MTA3: variants seen among roughly 807,000 people sequenced by gnomAD.
MTA3 encodes metastasis associated 1 family member 3.
MTA3 carries 34 observed loss-of-function variants against 83.5 expected under a neutral mutation model. That is an observed-to-expected ratio of 0.41 (90% confidence interval 0.31 to 0.54). The LOEUF (loss-of-function observed/expected upper bound fraction) is 0.54. MTA3 is among the 20% of genes least tolerant of loss of function. The probability of loss-of-function intolerance (pLI) is 0.33; values close to 1 mark genes in which losing one functional copy is unlikely to be tolerated. For missense variants in MTA3, 761 were observed against 726.4 expected (o/e 1.05, Z -0.55); for synonymous variants, 303 against 252.7 (o/e 1.20, Z -1.89).
At chr2:42,533,780 T>A (rs550896948) in intron 2 of MTA3, among the ~76,000 whole-genome samples, 175 of 142,962 alleles carry the variant, frequency 1.2e-3, no homozygotes, top group Admixed American at 3.9e-3. Context: ...TGCAGTGAGC[T>A]GAGATCGTGC....
chr2:42,713,080 CAACA>C lies in MTA3; in HGVS notation c.1525+3985_1525+3988del, dbSNP rs1666756555. ...GGTTAAATAGAAGTAGGTTTACTAGCAACATTCCAAAGATGAAGCTAAAGTGCCT... is the reference window on the plus strand; with the variant it reads ...GGTTAAATAGAAGTAGGTTTACTAGCTTCCAAAGATGAAGCTAAAGTGCCT... On this transcript the variant is annotated intron_variant, in intron 14 of 16. Coordinates refer to ENST00000405094, the MANE Select transcript of MTA3 (RefSeq NM_001330442.2). 2.0e-5 allele frequency among the ~76,000 whole-genome samples: 3 copies of C among 152,304 alleles called. No individual in the cohort carries two copies. The South Asian group carries it at 6.2e-4, about 32-fold the overall frequency.
chr2:42,504,861 C>G (rs890116504), intron 2 of MTA3, among the ~76,000 whole-genome samples: 2 of 152,068 alleles, frequency 1.3e-5, no homozygotes, highest in African/African-American at 4.8e-5. Context: ...TTGCAAAGCT[C>G]ACTGTATAAT....
At chr2:42,663,203 A>G (rs1689895207) in intron 8 of MTA3, among the ~76,000 whole-genome samples, 1 of 152,084 alleles carries the variant, frequency 6.6e-6, no homozygotes, top group African/African-American at 2.4e-5. Context: ...GCTTGAGTGC[A>G]AGTGGAAAAG....
At chr2:42,675,338 G>C (rs1011505485) in intron 8 of MTA3, among the ~76,000 whole-genome samples, 1 of 152,054 alleles carries the variant, frequency 6.6e-6, no homozygotes, top group South Asian at 2.1e-4. Context: ...CTTTCACTCT[G>C]TTGGCCAGGC....
rs1665867195 is a variant in MTA3 at position 42,704,226 on chromosome 2, G to C, written c.1058G>C (p.Ser353Thr). 1 of 1,613,952 alleles carries C rather than the reference G, an allele frequency of 6.2e-7. No individual in the cohort carries two copies. The highest frequency in any genetic ancestry group is 8.5e-7 in the Non-Finnish European group (1 of 1,179,858). The change falls in exon 12 of 17, where the codon AGT (serine) becomes ACT (threonine). Residue 353 changes from serine to threonine, a missense_variant. By Grantham distance (58) the Ser-to-Thr change is moderately conservative. Coordinates refer to ENST00000405094, the MANE Select transcript of MTA3 (RefSeq NM_001330442.2). ...CCAAATCCCAACCAAATATCCACTA[G>C]TAATGGGAAGCCTGGTGCTGTGAAT... ...SKPNPNQISTSNGKPGAVNGA... is the reference protein window; with the variant it reads ...SKPNPNQISTTNGKPGAVNGA...
At chr2:42,626,341 A>G (rs1390482965) in intron 4 of MTA3, among the ~76,000 whole-genome samples, 2 of 151,550 alleles carry the variant, frequency 1.3e-5, no homozygotes, top group Non-Finnish European at 2.9e-5. Context: ...TCTGTCACCC[A>G]GGCTGGAGTG....
intron 2 of MTA3, among the ~76,000 whole-genome samples, chr2:42,521,521 C>T (rs1284739186): frequency 6.6e-6 from 1 of 152,134 alleles, no homozygotes; most frequent in Non-Finnish European, 1.5e-5. Context: ...CTCCTAAACC[C>T]TTGTACCACC....
At chr2:42,706,253 T>C (rs1352705477) in intron 12 of MTA3, among the ~76,000 whole-genome samples, 3 of 152,092 alleles carry the variant, frequency 2.0e-5, no homozygotes, top group Non-Finnish European at 4.4e-5. Flanking sequence ...TGTGCACATG[T>C]ACCCTAAAAC....
intron 6 of MTA3, among the ~76,000 whole-genome samples, chr2:42,654,300 C>T (rs964880830): frequency 3.9e-5 from 6 of 152,174 alleles, no homozygotes. Flanking sequence ...TACCTGCTTG[C>T]TCCTATACTA....
rs564918105 is a variant in MTA3, at chr2:42,542,743, G to A, written c.-140-27694G>A. Among the ~76,000 whole-genome samples the A allele has an allele frequency of 4.0e-5, 6 of 151,798 alleles. No homozygotes were observed. In the South Asian group the frequency reaches 1.0e-3, roughly 26 times the overall value. ...ATTTTTTTTTTGTATTTTTAGTAGAGACAGGGCTTCACCATGTTGGCCAGG... is the reference window on the plus strand; with the variant it reads ...ATTTTTTTTTTGTATTTTTAGTAGAAACAGGGCTTCACCATGTTGGCCAGG... On this transcript the variant is annotated intron_variant, in intron 2 of 17. Coordinates refer to the MTA3 transcript ENST00000405592.
At chr2:42,690,641 G>T (rs1573633337) in intron 9 of MTA3, among the ~76,000 whole-genome samples, 1 of 147,478 alleles carries the variant, frequency 6.8e-6, no homozygotes, top group East Asian at 2.0e-4. Flanking sequence ...TTCATAGTAG[G>T]TGTATATAAT....
rs186479482 is a variant in MTA3 at position 42,707,804 on chromosome 2, C to T, written c.1151-99C>T. On this transcript the variant is annotated intron_variant, in intron 12 of 16. Transcript: ENST00000405094. The stretch of plus-strand genomic sequence containing the variant: ...AAGCTGGGAACAATAACATTGTAAA[C>T]TAAGCATGACAAGTATTTTTAAAAT... 9.6e-5 allele frequency: 121 copies of T among 1,261,338 alleles called. 1 individual carries two copies. In the East Asian group the frequency reaches 2.4e-3, roughly 25 times the overall value. The allele number at this position is 1,261,338 out of a possible 1,614,324, so 78.1% of individuals were successfully genotyped here. A position where few individuals can be genotyped will look rare whatever the true frequency, so the allele number is the denominator to read the frequency against.
chr2:42,678,056 T>C (rs945909471), intron 8 of MTA3, among the ~76,000 whole-genome samples: 2 of 152,196 alleles, frequency 1.3e-5, no homozygotes, highest in Non-Finnish European at 2.9e-5. Context: ...AACTACACAG[T>C]CTGTCTAGTT....
At chr2:42,504,891 A>G (rs1674557834) in intron 2 of MTA3, among the ~76,000 whole-genome samples, 1 of 152,148 alleles carries the variant, frequency 6.6e-6, no homozygotes, top group Admixed American at 6.6e-5. Context: ...GTGCCATTAT[A>G]GGAACAGCCC....
chr2:42,613,596 G>C (rs1287420012), intron 4 of MTA3: 1 of 152,188 alleles, frequency 6.6e-6, no homozygotes, highest in Non-Finnish European at 1.5e-5. Context: ...GCAGCAAAGA[G>C]GGTAATTTGG....
intron 6 of MTA3, among the ~76,000 whole-genome samples, chr2:42,652,849 A>C (rs1688840204): frequency 6.6e-6 from 1 of 152,218 alleles, no homozygotes; most frequent in African/African-American, 2.4e-5. Context: ...TATTGAGCAA[A>C]AATGGTGATA....
At chr2:42,672,441 A>C (rs1690894519) in intron 8 of MTA3, among the ~76,000 whole-genome samples, 1 of 151,766 alleles carries the variant, frequency 6.6e-6, no homozygotes, top group Non-Finnish European at 1.5e-5. Flanking sequence ...CTAGGAGTTC[A>C]AAACCAGCCT....
intron 3 of MTA3, among the ~76,000 whole-genome samples, chr2:42,594,796 A>G (rs1681564921): frequency 7.5e-6 from 1 of 133,836 alleles, no homozygotes; most frequent in African/African-American, 2.8e-5. Context: ...GCGCGATCTC[A>G]GCTCACTGTA....
chr2:42,551,145 G>A (rs1677091425), intron 2 of MTA3, among the ~76,000 whole-genome samples: 1 of 152,016 alleles, frequency 6.6e-6, no homozygotes, highest in African/African-American at 2.4e-5. Flanking sequence ...ACAGCTTTGA[G>A]CTCGGGTCAT....
Sources: allele counts gnomAD v4.1 joint callset (sites outside exome capture counted in the v4.1 genomes callset), GRCh38; gene constraint gnomAD v4.1.1; transcripts MANE v1.5; gene names NCBI Gene and HGNC (gene_info 2026-07-23, HGNC 2026-07-21).